The following SPAST variants were observed in gnomAD, a reference collection of about 807,000 sequenced individuals.
SPAST encodes the protein spastic paraplegia 4 (autosomal dominant; spastin).
A neutral mutation model predicts 76.6 loss-of-function variants in SPAST; 30 were observed. The ratio of observed to expected loss-of-function variants is 0.39; its 90% CI spans 0.29 to 0.53. SPAST has a LOEUF of 0.53. Ranked by LOEUF, SPAST falls within the 20% of genes least tolerant of loss-of-function variation. The probability of loss-of-function intolerance (pLI) is 0.68; values close to 1 mark genes in which losing one functional copy is unlikely to be tolerated. For synonymous variants in SPAST, 305 were observed against 281.0 expected (o/e 1.09, Z -0.86); for missense variants, 717 against 770.5 (o/e 0.93, Z 0.82).
chr2:32,136,031 T>C (rs1028835973), intron 9 of SPAST, among the ~76,000 whole-genome samples: 3 of 150,960 alleles, frequency 2.0e-5, no homozygotes, highest in Non-Finnish European at 2.9e-5. Context: ...TGAGCCGAGA[T>C]TGCACCACTG....
chr2:32,143,428 G>A lies in SPAST; in HGVS notation c.1616+13G>A, dbSNP rs200163987. The A allele has an allele frequency of 6.5e-7, 1 of 1,539,080 alleles. No individual in the cohort carries two copies. Among genetic ancestry groups the A allele is most frequent in the East Asian group, 2.3e-5 (1 of 44,366 alleles). ...CACAACTTGCTAGGTGAGTAATTTG[G>A]ATTTGGTTTATCTTACAGCTTTTAT... On this transcript the variant is annotated intron_variant, in intron 14 of 16. Transcript: ENST00000315285.
intron 1 of SPAST, among the ~76,000 whole-genome samples, chr2:32,073,517 A>T (rs1188310114): frequency 6.6e-6 from 1 of 152,092 alleles, no homozygotes; most frequent in African/African-American, 2.4e-5. Context: ...CAAGATAGAG[A>T]CAGGGTCTTG....
At chr2:32,096,733 TTAA>T (rs1677930589) in intron 3 of SPAST, among the ~76,000 whole-genome samples, 1 of 152,214 alleles carries the variant, frequency 6.6e-6, no homozygotes, top group Non-Finnish European at 1.5e-5. Context: ...GAGGGGAGTA[TTAA>T]TTCACATTTA....
intron 1 of SPAST, among the ~76,000 whole-genome samples, chr2:32,086,672 C>T (rs1677489044): frequency 1.3e-5 from 2 of 151,544 alleles, no homozygotes; most frequent in Admixed American, 1.3e-4. Flanking sequence ...ACAGCAGAAT[C>T]GCTTGAACCC....
At position 32,114,839 on chromosome 2, in the gene SPAST, G is replaced by C; in HGVS notation, c.870+14G>C. ...ACCACTCATAAGGTATTCTGGGACA[G>C]TAACTTTAATTGCTGTCTTTTTGCA... On this transcript the variant is annotated intron_variant, in intron 5 of 16. Transcript: ENST00000315285. The C allele has an allele frequency of 6.2e-7, 1 of 1,608,794 alleles. No individual in the cohort carries two copies. The highest frequency in any genetic ancestry group is 8.5e-7 in the Non-Finnish European group (1 of 1,175,306).
chr2:32,150,418 A>T (rs1284854634), intron 16 of SPAST, among the ~76,000 whole-genome samples: 2 of 149,776 alleles, frequency 1.3e-5, no homozygotes, highest in African/African-American at 2.5e-5. Flanking sequence ...TAACTTATTT[A>T]ATTTAATTTA....
At chr2:32,137,256 A>ATT in intron 12 of SPAST, 68 bp downstream of exon 12, 1 of 1,187,636 alleles carries the variant, frequency 8.4e-7, no homozygotes, top group Middle Eastern at 1.9e-4. Context: ...TCCATCTTAC[A>ATT]TATTATTTCC....
chr2:32,064,302 G>A, intron 1 of SPAST, 56 bp downstream of exon 1: 1 of 1,055,230 alleles, frequency 9.5e-7, no homozygotes, highest in Non-Finnish European at 1.4e-6. Context: ...CGGTGGGGTC[G>A]CCGGGGGAGG....
At chr2:32,088,943 A>G (rs751675597) in intron 2 of SPAST, among the ~76,000 whole-genome samples, 4 of 152,200 alleles carry the variant, frequency 2.6e-5, no homozygotes, top group African/African-American at 7.2e-5. Context: ...CCCAATTTCA[A>G]AGATTTTGAA....
rs1030924732 is a variant in SPAST, at chr2:32,115,578, A to G, written c.871-124A>G. ...CTTCAGGTAAATAAATATACAATTT[A>G]TGGATTTTTATACCCTTTTTCCTAT... On this transcript the variant is annotated intron_variant, in intron 5 of 16. Coordinates refer to ENST00000315285, the MANE Select transcript of SPAST (RefSeq NM_014946.4). 17 of 689,322 alleles carry G rather than the reference A, an allele frequency of 2.5e-5. No individual in the cohort carries two copies. In the African/African-American group the frequency reaches 2.7e-4, roughly 11 times the overall value. 42.7% of individuals were successfully genotyped at this position (689,322 alleles called of 1,614,324 possible).
At chr2:32,067,257 C>T (rs1397833628) in intron 1 of SPAST, among the ~76,000 whole-genome samples, 2 of 151,910 alleles carry the variant, frequency 1.3e-5, no homozygotes, top group Admixed American at 6.6e-5. Flanking sequence ...AGATGGGGTT[C>T]CACCATGTTG....
chr2:32,099,236 T>C (rs902183361), intron 4 of SPAST, among the ~76,000 whole-genome samples: 15 of 152,194 alleles, frequency 9.9e-5, no homozygotes, highest in African/African-American at 2.9e-4. Context: ...TTTCATGAAA[T>C]AGTGTTTTCT....
intron 1 of SPAST, among the ~76,000 whole-genome samples, chr2:32,071,278 C>G (rs563634472): frequency 6.6e-6 from 1 of 152,276 alleles, no homozygotes; most frequent in East Asian, 1.9e-4. Flanking sequence ...GCTAAAGGAT[C>G]AGGCATCGAA....
At chr2:32,080,835 C>T (rs1677192637) in intron 1 of SPAST, among the ~76,000 whole-genome samples, 1 of 119,658 alleles carries the variant, frequency 8.4e-6, no homozygotes, top group South Asian at 2.8e-4. Flanking sequence ...CACTCTGTTG[C>T]CCAAGCTGCA....
chr2:32,091,247 A>G (rs1188022481), intron 3 of SPAST, among the ~76,000 whole-genome samples: 3 of 1,540 alleles, frequency 1.9e-3, no homozygotes, highest in African/African-American at 7.6e-3. Context: ...ATATGAAGCT[A>G]TTATTATTAT....
intron 1 of SPAST, among the ~76,000 whole-genome samples, chr2:32,066,787 A>G (rs1298810048): frequency 6.6e-6 from 1 of 152,040 alleles, no homozygotes; most frequent in African/African-American, 2.4e-5. Flanking sequence ...CAGCCTGGGC[A>G]ACATAGTGAA....
intron 3 of SPAST, among the ~76,000 whole-genome samples, chr2:32,097,406 C>A (rs1242910258): frequency 1.3e-5 from 2 of 152,162 alleles, no homozygotes; most frequent in Non-Finnish European, 2.9e-5. Context: ...CCTGGCTACC[C>A]ATTTCCCCTC....
At chr2:32,135,118 T>TTG (rs57308975) in intron 9 of SPAST, among the ~76,000 whole-genome samples, 2,941 of 147,388 alleles carry the variant, frequency 0.02, 32 homozygotes, top group East Asian at 0.034. Flanking sequence ...TCTGATAATT[T>TTG]TGTGTGTGTG....
intron 1 of SPAST, among the ~76,000 whole-genome samples, chr2:32,086,397 T>C (rs538341902): frequency 6.6e-6 from 1 of 151,830 alleles, no homozygotes; most frequent in East Asian, 1.9e-4. Context: ...GCCCAGGAGT[T>C]GGAGGGTGCA....
Sources: allele counts gnomAD v4.1 joint callset (sites outside exome capture counted in the v4.1 genomes callset), GRCh38; gene constraint gnomAD v4.1.1; transcripts MANE v1.5; gene names NCBI Gene and HGNC (gene_info 2026-07-23, HGNC 2026-07-21).